The following SGSM1 variants were observed in gnomAD, a reference collection of about 807,000 sequenced individuals.
SGSM1 encodes the protein RUN and TBC1 domain containing 2.
A neutral mutation model predicts 133.8 loss-of-function variants in SGSM1; 73 were observed. That is an observed-to-expected ratio of 0.55 (90% CI 0.45 to 0.66). The LOEUF (loss-of-function observed/expected upper bound fraction) is 0.66. Ranked by LOEUF, SGSM1 falls within the 30% of genes least tolerant of loss-of-function variation. SGSM1 has a pLI of 0.00. For missense variants in SGSM1, 1,213 were observed against 1,448.1 expected (o/e 0.84, Z 2.64); for synonymous variants, 563 against 573.0 (o/e 0.98, Z 0.25).
intron 24 of SGSM1, 87 bp downstream of exon 24, chr22:24,920,080 A>AGATG: frequency 7.3e-7 from 1 of 1,376,956 alleles, no homozygotes; most frequent in Admixed American, 2.2e-5. Flanking sequence ...AGATGGGCTG[A>AGATG]GATGGATGCA....
chr22:24,892,747 G>A (rs945221082), intron 16 of SGSM1, among the ~76,000 whole-genome samples: 1 of 151,946 alleles, frequency 6.6e-6, no homozygotes, highest in African/African-American at 2.4e-5. Context: ...AAAAAAGAAA[G>A]AAACAGTCTT....
rs3062145 is a variant in SGSM1 at position 24,816,417 on chromosome 22, C to CTTTTTTTTTTTTTTTTT, written c.63+9949_63+9950insTTTTTTTTTTTTTTTTT. 3.5e-4 allele frequency among the ~76,000 whole-genome samples: 45 copies of CTTTTTTTTTTTTTTTTT among 130,070 alleles called. 1 individual carries two copies. The highest frequency in any genetic ancestry group is 1.1e-3 in the East Asian group (5 of 4,372). The allele number at this position is 130,070 out of a possible 152,430, so 85.3% of individuals were successfully genotyped here. A position where few individuals can be genotyped will look rare whatever the true frequency, so the allele number is the denominator to read the frequency against. On this transcript the variant is annotated intron_variant, in intron 2 of 24. Transcript: ENST00000400358. The stretch of plus-strand genomic sequence containing the variant: ...AAAAATTGATTTCTTTTTTTTCTTT[C>CTTTTTTTTTTTTTTTTT]TTTTTTTTTTTTTTTTGAGATGGTG...
rs1223964580 is a variant in SGSM1, at chr22:24,879,636, T to C, written c.1495+110T>C. 4.7e-5 allele frequency: 48 copies of C among 1,032,066 alleles called. 1 individual carries two copies. The South Asian group carries it at 7.0e-4, about 15-fold the overall frequency. 63.9% of individuals were successfully genotyped at this position (1,032,066 alleles called of 1,614,324 possible). On this transcript the variant is annotated intron_variant, in intron 14 of 24. Coordinates refer to ENST00000400358, the MANE Select transcript of SGSM1 (RefSeq NM_001098497.3). ...GCTCTGGAGTTTGAACCTCTCCTCCTCTATTCCCTAGATGTCTGGTTTCAG... is the reference window on the plus strand; with the variant it reads ...GCTCTGGAGTTTGAACCTCTCCTCCCCTATTCCCTAGATGTCTGGTTTCAG...
In SGSM1 at chr22:24,906,449, C is replaced by T. The variant is rs1012797632; in HGVS notation, c.2818+1262C>T. On this transcript the variant is annotated intron_variant, in intron 21 of 24. Coordinates refer to ENST00000400358, the MANE Select transcript of SGSM1 (RefSeq NM_001098497.3). ...CAGATTGGAAAGAAAGTAAAACTAT[C>T]TTTGTTCACAGATGATGTGATTTTG... is the stretch of plus-strand genomic sequence containing the variant. Among the ~76,000 whole-genome samples, 6 of 152,258 alleles carry T rather than the reference C, an allele frequency of 3.9e-5. No homozygotes were observed. The East Asian group carries it at 1.2e-3, about 29-fold the overall frequency.
At position 24,895,265 on chromosome 22, in the gene SGSM1, C is replaced by T. The variant is rs1344796762; in HGVS notation, c.1996C>T (p.His666Tyr). Residue 666 changes from histidine to tyrosine, a missense_variant, in exon 18 of 25, where the codon CAC becomes TAC. Transcript: ENST00000400358. ...CSSGRQNIRL[H>Y]SDSSSSTQVF... ...TTCGGGCCGCCAGAACATCCGCCTGCACAGCGACTCCAGCAGCAGCACACA... is the reference window on the plus strand; with the variant it reads ...TTCGGGCCGCCAGAACATCCGCCTGTACAGCGACTCCAGCAGCAGCACACA... 6.2e-7 allele frequency: 1 copy of T among 1,612,248 alleles called. No individual in the cohort carries two copies. The highest frequency in any genetic ancestry group is 8.5e-7 in the Non-Finnish European group (1 of 1,179,286).
In SGSM1 at chr22:24,839,440, T is replaced by C. The variant is rs552076186; in HGVS notation, c.64-5457T>C. On this transcript the variant is annotated intron_variant, in intron 2 of 24. Coordinates refer to ENST00000400358, the MANE Select transcript of SGSM1 (RefSeq NM_001098497.3). ...AGGATTCTTGCATGCATATTTATCATAGATATTGGTCTGTAGTTTTTTTGT... is the reference window on the plus strand; with the variant it reads ...AGGATTCTTGCATGCATATTTATCACAGATATTGGTCTGTAGTTTTTTTGT... 4.6e-5 allele frequency among the ~76,000 whole-genome samples: 7 copies of C among 152,354 alleles called. 1 individual carries two copies. The highest frequency in any genetic ancestry group is 7.2e-5 in the African/African-American group (3 of 41,592).
At chr22:24,856,387 A>G (rs942024367) in intron 8 of SGSM1, among the ~76,000 whole-genome samples, 2 of 152,208 alleles carry the variant, frequency 1.3e-5, no homozygotes, top group Non-Finnish European at 2.9e-5. Flanking sequence ...GCGCCAAGAC[A>G]GTTATGATTT....
At chr22:24,812,152 A>G (rs1357447262) in intron 2 of SGSM1, among the ~76,000 whole-genome samples, 2 of 149,718 alleles carry the variant, frequency 1.3e-5, no homozygotes, top group African/African-American at 2.5e-5. Flanking sequence ...CCTGGGTGAC[A>G]AAGCAAGACT....
chr22:24,813,824 C>T (rs977310015), intron 2 of SGSM1: 1 of 152,242 alleles, frequency 6.6e-6, no homozygotes, highest in Non-Finnish European at 1.5e-5. Context: ...GGGTCTCCCC[C>T]AGCCACCTCA....
intron 3 of SGSM1, among the ~76,000 whole-genome samples, chr22:24,846,209 T>A (rs1930142085): frequency 6.6e-6 from 1 of 151,666 alleles, no homozygotes; most frequent in Non-Finnish European, 1.5e-5. Context: ...TGGCTAATTT[T>A]AAATTTTTCT....
chr22:24,908,675 G>A (rs182399330), intron 21 of SGSM1, among the ~76,000 whole-genome samples: 2,274 of 151,940 alleles, frequency 0.015, 50 homozygotes, highest in African/African-American at 0.049. Context: ...GGTGGCGGGC[G>A]CCTGTAGTCC....
chr22:24,838,039 G>A (rs905661848), intron 2 of SGSM1, among the ~76,000 whole-genome samples: 3 of 152,162 alleles, frequency 2.0e-5, no homozygotes, highest in East Asian at 1.9e-4. Flanking sequence ...AGCTTTCTCC[G>A]TTTTCTTGTA....
rs370471505 is a variant in SGSM1, at chr22:24,919,881, C to T, written c.3081C>T (p.His1027=). 1.2e-5 allele frequency: 19 copies of T among 1,614,070 alleles called. No homozygotes were observed. Among genetic ancestry groups the T allele is most frequent in the Middle Eastern group, 1.6e-4 (1 of 6,062 alleles). ...LVWETIWAAK[H]VSSAHYVLFI... is the part of the protein sequence containing the mutation. ...GGGAGACCATCTGGGCAGCCAAACA[C>T]GTCTCCTCTGCGCACTACGTCCTGT... The change falls in exon 24 of 25, where the codon CAC becomes CAT. Residue 1027 remains histidine, a synonymous_variant. Coordinates refer to ENST00000400358, the MANE Select transcript of SGSM1 (RefSeq NM_001098497.3).
intron 22 of SGSM1, among the ~76,000 whole-genome samples, chr22:24,915,253 T>TAAATAAATAAACAAACAAAC (rs375854809): frequency 5.7e-5 from 8 of 139,428 alleles, no homozygotes; most frequent in African/African-American, 1.5e-4. Context: ...AATAAATAAA[T>TAAATAAATAAACAAACAAAC]AAACAAACAG....
chr22:24,920,778 G>A (rs532886598), intron 24 of SGSM1, among the ~76,000 whole-genome samples: 20 of 152,280 alleles, frequency 1.3e-4, no homozygotes, highest in Admixed American at 8.5e-4. Flanking sequence ...CATTTTAATT[G>A]TCTACTAAAA....
intron 14 of SGSM1, among the ~76,000 whole-genome samples, chr22:24,882,046 A>AT (rs546426922): frequency 0.016 from 2,431 of 150,712 alleles, 66 homozygotes; most frequent in African/African-American, 0.056. Context: ...CAATTTTTGT[A>AT]TTTTTTTTTA....
intron 16 of SGSM1, among the ~76,000 whole-genome samples, chr22:24,888,937 C>CT (rs1173202016): frequency 4.8e-5 from 6 of 123,812 alleles, no homozygotes; most frequent in Non-Finnish European, 1.0e-4. Flanking sequence ...TTCATAGTCA[C>CT]CTTTTTTTTT....
rs576983535 is a variant in SGSM1, at chr22:24,833,455, C to G, written c.64-11442C>G. Among the ~76,000 whole-genome samples, 15 of 151,518 alleles carry G rather than the reference C, an allele frequency of 9.9e-5. 1 individual carries two copies. The highest frequency in any genetic ancestry group is 1.6e-4 in the Non-Finnish European group (11 of 67,812). On this transcript the variant is annotated intron_variant, in intron 2 of 24. Transcript: ENST00000400358. Reference sequence around the variant, plus strand: ...CAGGTGGATCACGAGGTCAAGAGATCGAGACCATCCTGGCCAACATGGTGA... The same window carrying G: ...CAGGTGGATCACGAGGTCAAGAGATGGAGACCATCCTGGCCAACATGGTGA...
intron 21 of SGSM1, among the ~76,000 whole-genome samples, chr22:24,907,390 T>A (rs1423133426): frequency 6.6e-6 from 1 of 152,184 alleles, no homozygotes; most frequent in Non-Finnish European, 1.5e-5. Flanking sequence ...AAATAAATTT[T>A]AAAAACCCAA....
Sources: gnomAD v4.1 joint callset for allele counts (sites outside exome capture counted in the v4.1 genomes callset) on GRCh38, gnomAD v4.1.1 for gene constraint, MANE v1.5 for transcripts, NCBI Gene and HGNC (gene_info 2026-07-23, HGNC 2026-07-21) for gene names.